The following TP53BP2 variants were observed in gnomAD, a reference collection of about 807,000 sequenced individuals.
TP53BP2 encodes the protein tumor protein p53 binding protein 2.
In TP53BP2, 62 loss-of-function variants were observed where a neutral mutation model predicts 126.2. The observed-to-expected ratio is 0.49, with a 90% CI of 0.40 to 0.61. TP53BP2 has a LOEUF of 0.61. Among genes scored for constraint, TP53BP2 ranks in the 20% least tolerant of loss-of-function variants. The probability of loss-of-function intolerance (pLI) is 0.00; values close to 1 mark genes in which losing one functional copy is unlikely to be tolerated. For missense variants in TP53BP2, 1,215 were observed against 1,402.8 expected (o/e 0.87, Z 2.14); for synonymous variants, 485 against 502.9 (o/e 0.96, Z 0.48).
At chr1:223,784,509 C>A (rs985138882) in intron 16 of TP53BP2, among the ~76,000 whole-genome samples, 195 bp from the exon 17 acceptor site, 4 of 152,118 alleles carry the variant, frequency 2.6e-5, no homozygotes, top group Non-Finnish European at 4.4e-5. Flanking sequence ...TGGGAACATA[C>A]AAAGGACACA....
chr1:223,845,605 C>T lies in TP53BP2; in HGVS notation c.27+49G>A, dbSNP rs549415721. On this transcript the variant is annotated intron_variant, in intron 1 of 17. Coordinates refer to ENST00000343537, the MANE Select transcript of TP53BP2 (RefSeq NM_001031685.3). ...AGGGCGCGGACCAGCCCCCGGCACGCGACCCCGCACACTTCCGGGCCCGAC... is the reference window on the plus strand; with the variant it reads ...AGGGCGCGGACCAGCCCCCGGCACGTGACCCCGCACACTTCCGGGCCCGAC... The T allele has an allele frequency of 6.6e-6, 10 of 1,520,180 alleles. No individual in the cohort carries two copies. In the Admixed American group the frequency reaches 1.4e-4, roughly 22 times the overall value. 94.2% of individuals were successfully genotyped at this position (1,520,180 alleles called of 1,614,324 possible).
At chr1:223,803,174 A>G in intron 7 of TP53BP2, 97 bp downstream of exon 7, 1 of 1,395,620 alleles carries the variant, frequency 7.2e-7, no homozygotes, top group Middle Eastern at 2.6e-4. Context: ...CTCTTTAAGG[A>G]AAGGCAACTG....
intron 1 of TP53BP2, among the ~76,000 whole-genome samples, chr1:223,841,301 ATTAT>A (rs1274534027): frequency 1.3e-5 from 2 of 148,940 alleles, no homozygotes; most frequent in Non-Finnish European, 1.5e-5. Context: ...CTAAAAATAG[ATTAT>A]TTGTTTAACA....
intron 1 of TP53BP2, among the ~76,000 whole-genome samples, chr1:223,840,780 G>A (rs1478622660): frequency 6.6e-6 from 1 of 152,202 alleles, no homozygotes; most frequent in African/African-American, 2.4e-5. Context: ...CCCTCCATGT[G>A]TCTTCCAGAT....
At chr1:223,791,141 C>T (rs1276797706) in intron 15 of TP53BP2, among the ~76,000 whole-genome samples, 3 of 151,930 alleles carry the variant, frequency 2.0e-5, no homozygotes, top group Admixed American at 6.6e-5. Context: ...TGAAAAAGAG[C>T]TTGGGCCAAG....
intron 1 of TP53BP2, among the ~76,000 whole-genome samples, chr1:223,843,624 AT>A (rs1664176766): frequency 6.6e-6 from 1 of 152,210 alleles, no homozygotes; most frequent in Non-Finnish European, 1.5e-5. Context: ...TTTTACCACA[AT>A]AAAAGTACAT....
rs1263305737 is a variant in TP53BP2 at position 223,802,768 on chromosome 1, T to C, written c.959A>G (p.Lys320Arg). The change falls in exon 8 of 18, where the codon AAG becomes AGG. Residue 320 changes from lysine to arginine, a missense_variant. Lys to Arg is a conservative substitution (Grantham distance 26). Around this residue, in one of 4 missense-constraint regions of TP53BP2, gnomAD observed 814 missense variants for 853.0 expected, o/e 0.95. Coordinates refer to ENST00000343537, the MANE Select transcript of TP53BP2 (RefSeq NM_001031685.3). ...TTTTTGCTGTAGAGCTGCCTTCTTC[T>C]TCCACAGCCGGTCCCTCAGCTCATT... is the stretch of plus-strand genomic sequence containing the variant. ...RVNELRDRLWKKKAALQQKEN... is the reference protein window; with the variant it reads ...RVNELRDRLWRKKAALQQKEN... 3 of 1,614,084 alleles carry C rather than the reference T, an allele frequency of 1.9e-6. No homozygotes were observed. Among genetic ancestry groups the C allele is most frequent in the Non-Finnish European group, 2.5e-6 (3 of 1,180,028 alleles).
chr1:223,798,355 G>A lies in TP53BP2; in HGVS notation c.1808C>T (p.Pro603Leu), dbSNP rs1217928106. 1.2e-6 allele frequency: 2 copies of A among 1,614,148 alleles called. No individual in the cohort carries two copies. The highest frequency in any genetic ancestry group is 3.3e-5 in the Admixed American group (2 of 60,018). ...TGCCACGGTCTGGGGTTTTCTGAAG[G>A]GTGGAAGTAAGGTGTCTTTGGAAGG... ...PQPSKDTLLP[P>L]FRKPQTVAAS... Residue 603 changes from proline to leucine, a missense_variant, in exon 12 of 18, where the codon CCC becomes CTC. Physicochemically the swap from Pro to Leu is moderately conservative, Grantham distance 98. Transcript: ENST00000343537.
chr1:223,817,872 G>C (rs1236458961), intron 2 of TP53BP2, among the ~76,000 whole-genome samples: 2 of 150,588 alleles, frequency 1.3e-5, no homozygotes, highest in Non-Finnish European at 2.9e-5. Flanking sequence ...ATGGCAGTGA[G>C]CCGAGATGGT....
At chr1:223,829,801 C>T (rs1663633947) in intron 1 of TP53BP2, among the ~76,000 whole-genome samples, 1 of 151,466 alleles carries the variant, frequency 6.6e-6, no homozygotes, top group South Asian at 2.1e-4. Flanking sequence ...GCTGGGACAT[C>T]TGAAAAGGCT....
intron 1 of TP53BP2, among the ~76,000 whole-genome samples, chr1:223,833,407 A>AATTTGAAT (rs747216993): frequency 9.9e-5 from 15 of 152,236 alleles, no homozygotes; most frequent in Non-Finnish European, 2.1e-4. Context: ...TCTCAATATC[A>AATTTGAAT]ATTTGAACAA....
chr1:223,831,687 G>C (rs12731254), intron 1 of TP53BP2, among the ~76,000 whole-genome samples: 29,836 of 149,678 alleles, frequency 0.2, 3,316 homozygotes, highest in Non-Finnish European at 0.25. Context: ...CATTAAAAAT[G>C]GTAAATGTGA....
intron 15 of TP53BP2, among the ~76,000 whole-genome samples, chr1:223,791,711 T>C (rs527710829): frequency 6.6e-6 from 1 of 152,308 alleles, no homozygotes; most frequent in East Asian, 1.9e-4. Flanking sequence ...TTTAAAATCC[T>C]ATAAAGAAAA....
intron 2 of TP53BP2, 158 bp downstream of exon 2, chr1:223,821,062 A>G (rs1367635809): frequency 7.0e-6 from 6 of 863,076 alleles, no homozygotes; most frequent in Middle Eastern, 3.5e-4. Context: ...GACTTCATGT[A>G]TCATACCAAA....
chr1:223,784,538 T>C (rs1200324388), intron 16 of TP53BP2, among the ~76,000 whole-genome samples: 1 of 152,156 alleles, frequency 6.6e-6, no homozygotes, highest in Non-Finnish European at 1.5e-5. Flanking sequence ...TGCTATCATC[T>C]CTAAAACACC....
chr1:223,834,467 G>A (rs965265500), intron 1 of TP53BP2, among the ~76,000 whole-genome samples: 1 of 152,142 alleles, frequency 6.6e-6, no homozygotes, highest in South Asian at 2.1e-4. Flanking sequence ...GATAACAACA[G>A]TGTGTATTAA....
At chr1:223,804,488 C>T (rs750156930) in intron 5 of TP53BP2, 140 bp from the exon 6 acceptor site, 60 of 730,882 alleles carry the variant, frequency 8.2e-5, no homozygotes, top group Non-Finnish European at 1.2e-4. Context: ...TTCCTAAACA[C>T]TGCCATCAGA....
chr1:223,834,083 G>C, intron 1 of TP53BP2, among the ~76,000 whole-genome samples: 1 of 152,214 alleles, frequency 6.6e-6, no homozygotes, highest in South Asian at 2.1e-4. Context: ...TCCATGACCA[G>C]AAAAAAACGC....
In TP53BP2 at chr1:223,793,433, C is replaced by A; in HGVS notation, c.2732G>T (p.Arg911Met). 6.3e-7 allele frequency: 1 copy of A among 1,578,466 alleles called. No individual in the cohort carries two copies. The highest frequency in any genetic ancestry group is 1.2e-5 in the South Asian group (1 of 83,618). Residue 911 changes from arginine (R) to methionine (M), a missense_variant, in exon 14 of 18, where the codon AGG (arginine) becomes ATG (methionine). This residue lies in a region of TP53BP2 where 204 missense variants were observed against 225.7 expected (regional missense o/e 0.90). Coordinates refer to ENST00000343537, the MANE Select transcript of TP53BP2 (RefSeq NM_001031685.3). ...TGQVSLPPGK[R>M]TNLRKTGSER... ...TGAGCCAGTTTTACGCAAGTTTGTC[C>A]TTTTACCCTGCAAAGAAAATGGGTG...
Sources: allele counts gnomAD v4.1 joint callset (sites outside exome capture counted in the v4.1 genomes callset), GRCh38; gene constraint gnomAD v4.1.1; regional missense constraint gnomAD v4.1.1; transcripts MANE v1.5; gene names NCBI Gene and HGNC (gene_info 2026-07-23, HGNC 2026-07-21).